Variants in FRS2 observed in about 807,000 individuals in gnomAD.
The protein encoded by FRS2 is FGFR signalling adaptor.
Under a neutral mutation model 43.9 loss-of-function variants are expected in FRS2, and 8 were observed. The ratio of observed to expected loss-of-function variants is 0.18; its 90% CI spans 0.11 to 0.33. The LOEUF (loss-of-function observed/expected upper bound fraction) is 0.33, where lower values mean the gene tolerates loss of function less well. Among genes scored for constraint, FRS2 ranks in the 10% least tolerant of loss-of-function variants. The pLI is 1.00. For synonymous variants in FRS2, 219 were observed against 220.3 expected (o/e 0.99, Z 0.05); for missense variants, 534 against 627.6 (o/e 0.85, Z 1.59).
intron 1 of FRS2, among the ~76,000 whole-genome samples, chr12:69,499,528 T>C (rs973011525): frequency 4.6e-5 from 7 of 152,180 alleles, no homozygotes; most frequent in African/African-American, 9.7e-5. Flanking sequence ...TGTTCCCCTC[T>C]GCCCTCCACC....
intron 1 of FRS2, among the ~76,000 whole-genome samples, chr12:69,518,952 C>T (rs946658181): frequency 1.3e-5 from 2 of 149,638 alleles, no homozygotes; most frequent in East Asian, 2.0e-4. Context: ...AAGCGGGTAG[C>T]GCCCTTGCAC....
chr12:69,525,767 T>C (rs181644119), intron 1 of FRS2, among the ~76,000 whole-genome samples: 16 of 152,180 alleles, frequency 1.1e-4, no homozygotes, highest in African/African-American at 3.9e-4. Context: ...TTTAAAAGAA[T>C]GTTGGTTTTT....
intron 5 of FRS2, among the ~76,000 whole-genome samples, chr12:69,569,999 G>A (rs1396826806): frequency 6.6e-6 from 1 of 151,950 alleles, no homozygotes; most frequent in African/African-American, 2.4e-5. Flanking sequence ...ATTTATACTA[G>A]CGGTCCAGCT....
chr12:69,519,385 CAT>C (rs530421860), intron 1 of FRS2, among the ~76,000 whole-genome samples: 65 of 152,280 alleles, frequency 4.3e-4, no homozygotes, highest in African/African-American at 1.4e-3. Flanking sequence ...ATGTTGAAGA[CAT>C]AGAAGAAAAC....
At chr12:69,498,877 A>G (rs1266274625) in intron 1 of FRS2, among the ~76,000 whole-genome samples, 2 of 152,246 alleles carry the variant, frequency 1.3e-5, no homozygotes, top group African/African-American at 2.4e-5. Flanking sequence ...TAATAACACT[A>G]TTGTTTATTG....
At chr12:69,507,165 A>G (rs1011025577) in intron 1 of FRS2, among the ~76,000 whole-genome samples, 1 of 152,224 alleles carries the variant, frequency 6.6e-6, no homozygotes, top group Non-Finnish European at 1.5e-5. Context: ...AACAAAAAAC[A>G]CACTAAGACA....
chr12:69,546,973 T>C (rs1878465993), intron 3 of FRS2, among the ~76,000 whole-genome samples: 1 of 152,344 alleles, frequency 6.6e-6, no homozygotes, highest in South Asian at 2.1e-4. Context: ...CAAGTGTTCA[T>C]TGACAGATGA....
At chr12:69,527,718 C>T (rs540112873) in intron 1 of FRS2, among the ~76,000 whole-genome samples, 2 of 152,266 alleles carry the variant, frequency 1.3e-5, no homozygotes, top group East Asian at 3.9e-4. Context: ...ATATGGGGCA[C>T]ATAGAAGTTG....
At chr12:69,476,301 C>T (rs1024668739) in intron 1 of FRS2, among the ~76,000 whole-genome samples, 16 of 152,206 alleles carry the variant, frequency 1.1e-4, no homozygotes, top group African/African-American at 3.9e-4. Context: ...TGAGTTCACA[C>T]AAGTAGCTCT....
chr12:69,513,373 T>C (rs1334983449), intron 1 of FRS2, among the ~76,000 whole-genome samples: 1 of 152,140 alleles, frequency 6.6e-6, no homozygotes, highest in African/African-American at 2.4e-5. Context: ...CAACCCCATA[T>C]GGTAACTGGC....
Position 69,575,248 on chromosome 12 carries a change from G to T in FRS2, c.*293G>T. On this transcript the variant is annotated 3_prime_UTR_variant, in exon 9 of 9. Coordinates refer to ENST00000549921, the MANE Select transcript of FRS2 (RefSeq NM_001278356.2). ...GCTGGTTGATTTTTATCAATATTCT[G>T]GACTTAACGCATACCTTTCATGTCT... The T allele has an allele frequency of 2.9e-6, 1 of 344,086 alleles. No individual in the cohort carries two copies. The allele number at this position is 344,086 out of a possible 1,614,324, so 21.3% of individuals were successfully genotyped here.
intron 4 of FRS2, among the ~76,000 whole-genome samples, chr12:69,566,838 A>T (rs1223192011): frequency 6.6e-6 from 1 of 152,156 alleles, no homozygotes; most frequent in Non-Finnish European, 1.5e-5. Context: ...ATCAAGTCTC[A>T]AATCTAGGGA....
intron 3 of FRS2, among the ~76,000 whole-genome samples, chr12:69,540,390 T>C (rs1040039085): frequency 4.0e-5 from 6 of 149,158 alleles, no homozygotes; most frequent in Non-Finnish European, 8.9e-5. Flanking sequence ...TGGGACTATG[T>C]CAAAGGGGCA....
chr12:69,481,281 ATTTT>A (rs5798935), intron 1 of FRS2, among the ~76,000 whole-genome samples: 1 of 140,836 alleles, frequency 7.1e-6, no homozygotes, highest in African/African-American at 2.7e-5. Context: ...AAATTCCAGA[ATTTT>A]TTTTTTTTTT....
chr12:69,574,896 C>T lies in FRS2; in HGVS notation c.1468C>T (p.Pro490Ser). 1 of 1,613,576 alleles carries T rather than the reference C, an allele frequency of 6.2e-7. No homozygotes were observed. The highest frequency in any genetic ancestry group is 8.5e-7 in the Non-Finnish European group (1 of 1,179,670). Residue 490 changes from proline to serine, a missense_variant, in exon 9 of 9, where the codon CCA becomes TCA. Pro to Ser is a moderately conservative substitution (Grantham distance 74). Around this residue, in one of 3 missense-constraint regions of FRS2, gnomAD observed 446 missense variants for 494.2 expected, o/e 0.90. Transcript: ENST00000549921. ...TATGTCAAATTTGCAGAAAGCACTG[C>T]CACGAGATGATGGTACATCTAGGAA... Reference protein sequence around the residue: ...AAMSNLQKALPRDDGTSRKTR... With the variant: ...AAMSNLQKALSRDDGTSRKTR...
At chr12:69,569,146 T>C in intron 5 of FRS2, 50 bp downstream of exon 5, 1 of 1,032,860 alleles carries the variant, frequency 9.7e-7, no homozygotes. Context: ...TTGGGTGTTC[T>C]TCTTTTATTT....
chr12:69,550,974 A>G (rs1172051774), intron 3 of FRS2, among the ~76,000 whole-genome samples: 1 of 152,222 alleles, frequency 6.6e-6, no homozygotes, highest in Admixed American at 6.5e-5. Context: ...TGAGAGTATG[A>G]CGGAATAAAA....
chr12:69,474,456 C>T (rs1287992733), intron 1 of FRS2, among the ~76,000 whole-genome samples: 1 of 152,058 alleles, frequency 6.6e-6, no homozygotes, highest in Admixed American at 6.5e-5. Flanking sequence ...TAAATGGCAT[C>T]TGTTTAAAAC....
intron 3 of FRS2, among the ~76,000 whole-genome samples, chr12:69,551,068 G>A (rs1878827549): frequency 6.6e-6 from 1 of 152,146 alleles, no homozygotes; most frequent in African/African-American, 2.4e-5. Context: ...AAGAAAGGAA[G>A]AAAGAAATAT....
Sources: allele counts gnomAD v4.1 joint callset (sites outside exome capture counted in the v4.1 genomes callset), GRCh38; gene constraint gnomAD v4.1.1; regional missense constraint gnomAD v4.1.1; transcripts MANE v1.5; gene names NCBI Gene and HGNC (gene_info 2026-07-23, HGNC 2026-07-21).